CEMIP2: variants seen among roughly 807,000 people sequenced by gnomAD.
The protein encoded by CEMIP2 is cell surface hyaluronidase CEMIP2.
In CEMIP2, 79 loss-of-function variants were observed where a neutral mutation model predicts 146.9. The ratio of observed to expected loss-of-function variants is 0.54; its 90% CI spans 0.45 to 0.65. CEMIP2 has a LOEUF of 0.65. Among genes scored for constraint, CEMIP2 ranks in the 30% least tolerant of loss-of-function variants. CEMIP2 has a pLI of 0.00. For missense variants in CEMIP2, 1,596 were observed against 1,696.2 expected, an observed-to-expected ratio of 0.94 and a Z score of 1.04; for synonymous variants, 601 against 606.3, an observed-to-expected ratio of 0.99 and a Z score of 0.13.
At chr9:71,726,093 T>A (rs62547011) in intron 10 of CEMIP2, among the ~76,000 whole-genome samples, 1 of 152,154 alleles carries the variant, frequency 6.6e-6, no homozygotes, top group Non-Finnish European at 1.5e-5. Flanking sequence ...CCTCCAAACC[T>A]GTTCAATAGA....
chr9:71,714,366 G>GTGATAATGATGA (rs1554682831), intron 15 of CEMIP2, among the ~76,000 whole-genome samples: 1 of 151,786 alleles, frequency 6.6e-6, no homozygotes, highest in Non-Finnish European at 1.5e-5. Context: ...TAATGACTCT[G>GTGATAATGATGA]TGATGATGAT....
intron 14 of CEMIP2, among the ~76,000 whole-genome samples, chr9:71,715,650 T>C (rs200798866): frequency 4.0e-5 from 2 of 49,386 alleles, no homozygotes; most frequent in East Asian, 1.8e-3. Context: ...ATATATATAC[T>C]TTTTTTTTTT....
chr9:71,735,538 G>A (rs1316048627), intron 5 of CEMIP2, among the ~76,000 whole-genome samples: 3 of 152,148 alleles, frequency 2.0e-5, no homozygotes, highest in Non-Finnish European at 4.4e-5. Flanking sequence ...TGTAATCCCA[G>A]CACTTCAGGA....
chr9:71,692,079 A>G (rs1563992936), intron 21 of CEMIP2, among the ~76,000 whole-genome samples: 1 of 151,392 alleles, frequency 6.6e-6, no homozygotes, highest in Non-Finnish European at 1.5e-5. Context: ...ACTGCACTTC[A>G]GCTTGGATGA....
At chr9:71,751,921 CT>C (rs1487214822) in intron 1 of CEMIP2, among the ~76,000 whole-genome samples, 1 of 152,150 alleles carries the variant, frequency 6.6e-6, no homozygotes, top group Non-Finnish European at 1.5e-5. Flanking sequence ...TAAAGTCTAT[CT>C]TATCTCTTTA....
rs1822007015 is a variant in CEMIP2 at position 71,684,852 on chromosome 9, A to G, written c.*345T>C. ...CAATAGCTGGTCCTCTAAAGACCTC[A>G]GGCTGACTCTCAGAAGCCCCCACTC... On this transcript the variant is annotated 3_prime_UTR_variant, in exon 24 of 24. Transcript: ENST00000377044. 2 of 200,080 alleles carry G rather than the reference A, an allele frequency of 1.0e-5. No individual in the cohort carries two copies. The highest frequency in any genetic ancestry group is 2.3e-5 in the African/African-American group (1 of 43,432). 12.4% of individuals were successfully genotyped at this position (200,080 alleles called of 1,614,324 possible). A position where few individuals can be genotyped will look rare whatever the true frequency, so the allele number is the denominator to read the frequency against.
intron 4 of CEMIP2, among the ~76,000 whole-genome samples, chr9:71,743,925 GT>G (rs146101400): frequency 0.01 from 1,590 of 152,214 alleles, 28 homozygotes; most frequent in African/African-American, 0.036. Flanking sequence ...CGGCATGTCG[GT>G]TTTGAGGTAC....
chr9:71,701,243 T>C (rs1247889050), intron 18 of CEMIP2, among the ~76,000 whole-genome samples: 1 of 152,056 alleles, frequency 6.6e-6, no homozygotes, highest in Non-Finnish European at 1.5e-5. Context: ...GTAGCTGGGA[T>C]TACAGGGGCA....
intron 4 of CEMIP2, among the ~76,000 whole-genome samples, chr9:71,741,466 G>A (rs775074365): frequency 6.6e-6 from 1 of 151,606 alleles, no homozygotes; most frequent in Non-Finnish European, 1.5e-5. Flanking sequence ...CAAAGTGCTG[G>A]GATTACAGGT....
intron 22 of CEMIP2, chr9:71,686,509 A>G (rs1483454411): frequency 2.6e-5 from 4 of 152,270 alleles, no homozygotes; most frequent in Non-Finnish European, 4.4e-5. Flanking sequence ...ATGTGCTTCA[A>G]TCATCCTGAA....
chr9:71,690,118 C>A lies in CEMIP2; in HGVS notation c.3825G>T (p.Glu1275Asp). Residue 1275 changes from glutamate to aspartate, a missense_variant, in exon 22 of 24, where the codon GAG (glutamate) becomes GAT (aspartate). Physicochemically the swap from Glu to Asp is conservative, Grantham distance 45. Coordinates refer to ENST00000377044, the MANE Select transcript of CEMIP2 (RefSeq NM_013390.3). Reference protein sequence around the residue: ...FPLADVSRIEEYLKTGIPPRS... With the variant: ...FPLADVSRIEDYLKTGIPPRS... ...TTGGAGGGATGCCTGTTTTTAAATACTCTTCAATGCGACTGACATCAGCAA... is the reference window on the plus strand; with the variant it reads ...TTGGAGGGATGCCTGTTTTTAAATAATCTTCAATGCGACTGACATCAGCAA... 1.2e-6 allele frequency: 2 copies of A among 1,614,144 alleles called. No homozygotes were observed. Among genetic ancestry groups the A allele is most frequent in the Admixed American group, 1.7e-5 (1 of 60,032 alleles).
At chr9:71,698,228 AT>A in intron 19 of CEMIP2, 24 bp from the exon 20 acceptor site, 1 of 1,605,534 alleles carries the variant, frequency 6.2e-7, no homozygotes, top group Admixed American at 1.7e-5. Flanking sequence ...AAACCAATCC[AT>A]GTAGTTAGAC....
chr9:71,703,773 C>A (rs1206903209), intron 18 of CEMIP2, among the ~76,000 whole-genome samples: 2 of 152,046 alleles, frequency 1.3e-5, no homozygotes, highest in African/African-American at 4.8e-5. Context: ...TCCATCATTT[C>A]CCCCAGGAGA....
At chr9:71,725,074 T>C (rs574331589) in intron 11 of CEMIP2, among the ~76,000 whole-genome samples, 2 of 151,868 alleles carry the variant, frequency 1.3e-5, no homozygotes, top group South Asian at 4.2e-4. Context: ...TCTCTATATA[T>C]CCTGAACAGG....
At chr9:71,733,081 G>T (rs927318926) in intron 6 of CEMIP2, among the ~76,000 whole-genome samples, 1 of 152,156 alleles carries the variant, frequency 6.6e-6, no homozygotes, top group Non-Finnish European at 1.5e-5. Flanking sequence ...TGCATAGTGA[G>T]TCCATAAAAC....
At chr9:71,768,135 G>T (rs904178183) in intron 1 of CEMIP2, among the ~76,000 whole-genome samples, 3 of 152,184 alleles carry the variant, frequency 2.0e-5, no homozygotes, top group Non-Finnish European at 2.9e-5. Context: ...CTGGGGAGTC[G>T]GGTCAGTCCC....
intron 5 of CEMIP2, among the ~76,000 whole-genome samples, chr9:71,736,275 C>G (rs769877270): frequency 6.6e-6 from 1 of 152,200 alleles, no homozygotes; most frequent in Non-Finnish European, 1.5e-5. Context: ...CAACCTCTCT[C>G]TCTCCGGTAT....
intron 21 of CEMIP2, among the ~76,000 whole-genome samples, chr9:71,691,071 C>A (rs1017430659): frequency 6.6e-6 from 1 of 152,126 alleles, no homozygotes; most frequent in African/African-American, 2.4e-5. Context: ...CCTGTCCATG[C>A]CTGGGGAAAT....
chr9:71,700,183 A>G (rs1822520150), intron 19 of CEMIP2, among the ~76,000 whole-genome samples: 1 of 152,230 alleles, frequency 6.6e-6, no homozygotes, highest in South Asian at 2.1e-4. Flanking sequence ...AAAAGTGGAA[A>G]GATGCAGCCT....
Sources: gnomAD v4.1 joint callset for allele counts (sites outside exome capture counted in the v4.1 genomes callset) on GRCh38, gnomAD v4.1.1 for gene constraint, MANE v1.5 for transcripts, NCBI Gene and HGNC (gene_info 2026-07-23, HGNC 2026-07-21) for gene names.